The following RHOBTB3 variants were observed in gnomAD, a reference collection of about 807,000 sequenced individuals.
RHOBTB3 encodes Rho related BTB domain containing 3.
RHOBTB3 carries 47 observed loss-of-function variants against 67.2 expected under a neutral mutation model. The ratio of observed to expected loss-of-function variants is 0.70; its 90% CI spans 0.55 to 0.89. The LOEUF (loss-of-function observed/expected upper bound fraction) is 0.89, where lower values mean the gene tolerates loss of function less well. Ranked by LOEUF, RHOBTB3 falls within the 40% of genes least tolerant of loss-of-function variation. The pLI is 0.00. For synonymous variants in RHOBTB3, 273 were observed against 274.2 expected (o/e 1.00, Z 0.04); for missense variants, 631 against 750.0 (o/e 0.84, Z 1.85).
chr5:95,717,897 T>TA (rs1253968628), intron 1 of RHOBTB3: 1 of 152,250 alleles, frequency 6.6e-6, no homozygotes, highest in Non-Finnish European at 1.5e-5. Context: ...ATTTGGTTTA[T>TA]AGTTATTCAT....
chr5:95,793,031 G>T, intron 11 of RHOBTB3, 28 bp from the exon 12 acceptor site: 1 of 1,457,466 alleles, frequency 6.9e-7, no homozygotes, highest in Non-Finnish European at 9.6e-7. Context: ...AACATATTCG[G>T]TTAACAGTCT....
At chr5:95,790,835 T>C (rs1746360782) in intron 11 of RHOBTB3, among the ~76,000 whole-genome samples, 1 of 152,300 alleles carries the variant, frequency 6.6e-6, no homozygotes, top group African/African-American at 2.4e-5. Flanking sequence ...TGCCAACGTG[T>C]TTTATTGGGA....
upstream of RHOBTB3, among the ~76,000 whole-genome samples, chr5:95,727,342 A>G (rs1755086686): frequency 6.6e-6 from 1 of 152,300 alleles, no homozygotes; most frequent in East Asian, 1.9e-4. Context: ...TGCCCTCACC[A>G]ATGCTTACTT....
intron 9 of RHOBTB3, 67 bp downstream of exon 9, chr5:95,780,492 T>G (rs976085510): frequency 7.5e-7 from 1 of 1,331,216 alleles, no homozygotes; most frequent in Non-Finnish European, 1.1e-6. Context: ...TTTGTTAAAT[T>G]GCACTCTGTG....
At chr5:95,736,177 C>T (rs1436725614) in intron 2 of RHOBTB3, among the ~76,000 whole-genome samples, 2 of 152,204 alleles carry the variant, frequency 1.3e-5, no homozygotes, top group Non-Finnish European at 2.9e-5. Flanking sequence ...ATGTTATTAG[C>T]TGTAGCACAA....
At chr5:95,748,873 T>TTGA (rs1745005377) in intron 4 of RHOBTB3, among the ~76,000 whole-genome samples, 1 of 152,212 alleles carries the variant, frequency 6.6e-6, no homozygotes, top group Non-Finnish European at 1.5e-5. Flanking sequence ...CATCTACCAG[T>TTGA]TGGAAAGAAT....
chr5:95,764,846 A>T (rs1358602191), intron 7 of RHOBTB3, among the ~76,000 whole-genome samples: 1 of 152,190 alleles, frequency 6.6e-6, no homozygotes, highest in Non-Finnish European at 1.5e-5. Flanking sequence ...TTGTAAACAA[A>T]GTAACGTGGA....
chr5:95,750,496 G>A (rs1306382832), intron 4 of RHOBTB3, among the ~76,000 whole-genome samples: 1 of 152,196 alleles, frequency 6.6e-6, no homozygotes, highest in African/African-American at 2.4e-5. Flanking sequence ...TATTTTAGGT[G>A]CTCTATGGCT....
chr5:95,745,157 A>G lies in RHOBTB3; in HGVS notation c.416-3176A>G, dbSNP rs144283962. ...CGCTATGTCAACCAAGCTGGCCCCC[A>G]ACTCCTAGGTTCAAGGGATCCTCCC... On this transcript the variant is annotated intron_variant, in intron 3 of 11. Transcript: ENST00000379982. 5.5e-3 allele frequency among the ~76,000 whole-genome samples: 840 copies of G among 152,198 alleles called. 11 individuals are homozygous for G. Among genetic ancestry groups the G allele is most frequent in the South Asian group, 0.047 (224 of 4,790 alleles).
At chr5:95,784,853 C>T (rs73777814) in intron 10 of RHOBTB3, among the ~76,000 whole-genome samples, 261 of 152,276 alleles carry the variant, frequency 1.7e-3, no homozygotes, top group African/African-American at 6.0e-3. Context: ...ATCCACTGCC[C>T]GAGACAGTTT....
At chr5:95,721,698 A>G (rs1401045510) in intron 1 of RHOBTB3, among the ~76,000 whole-genome samples, 1 of 151,872 alleles carries the variant, frequency 6.6e-6, no homozygotes, top group Non-Finnish European at 1.5e-5. Flanking sequence ...AGCATTAAAA[A>G]AAAAAAAAAA....
In RHOBTB3 at chr5:95,732,429, A is replaced by G. The variant is rs1249116272; in HGVS notation, c.228+345A>G. 3 of 537,652 alleles carry G rather than the reference A, an allele frequency of 5.6e-6. No homozygotes were observed. In the African/African-American group the frequency reaches 5.7e-5, roughly 10 times the overall value. 33.3% of individuals were successfully genotyped at this position (537,652 alleles called of 1,614,324 possible). A position where few individuals can be genotyped will look rare whatever the true frequency, so the allele number is the denominator to read the frequency against. Reference sequence around the variant, plus strand: ...CATCAGCAAAAAGCAGTGTTTTTTTATGTCTACCCTATGGGTGATAGTGTA... The same window carrying G: ...CATCAGCAAAAAGCAGTGTTTTTTTGTGTCTACCCTATGGGTGATAGTGTA... On this transcript the variant is annotated intron_variant, in intron 2 of 11. Coordinates refer to ENST00000379982, the MANE Select transcript of RHOBTB3 (RefSeq NM_014899.4).
chr5:95,752,990 G>GGC, intron 5 of RHOBTB3, among the ~76,000 whole-genome samples: 1 of 152,046 alleles, frequency 6.6e-6, no homozygotes, highest in Non-Finnish European at 1.5e-5. Context: ...AAATTAGCCG[G>GGC]GTGAGGTGGC....
At chr5:95,724,418 ATGTT>A (rs1754989402) in intron 1 of RHOBTB3, among the ~76,000 whole-genome samples, 1 of 152,252 alleles carries the variant, frequency 6.6e-6, no homozygotes, top group Admixed American at 6.5e-5. Flanking sequence ...TATTTGGAAA[ATGTT>A]TGGGGAGTTA....
At chr5:95,791,536 A>G (rs1167251407) in intron 11 of RHOBTB3, among the ~76,000 whole-genome samples, 1 of 152,218 alleles carries the variant, frequency 6.6e-6, no homozygotes, top group Non-Finnish European at 1.5e-5. Context: ...TGAAACTTAG[A>G]GCTGAGCAGC....
intron 6 of RHOBTB3, among the ~76,000 whole-genome samples, chr5:95,762,693 G>A (rs1745427925): frequency 6.6e-6 from 1 of 152,122 alleles, no homozygotes; most frequent in Non-Finnish European, 1.5e-5. Context: ...TCAGATTCGT[G>A]CTTTTGAAAA....
At chr5:95,720,629 CTT>C (rs909955318) in intron 1 of RHOBTB3, among the ~76,000 whole-genome samples, 1 of 143,734 alleles carries the variant, frequency 7.0e-6, no homozygotes, top group Non-Finnish European at 1.5e-5. Flanking sequence ...GTAAACTCTG[CTT>C]TTTTTTTTTG....
intron 2 of RHOBTB3, among the ~76,000 whole-genome samples, chr5:95,734,720 C>A (rs1230164465): frequency 6.6e-6 from 1 of 152,012 alleles, no homozygotes; most frequent in African/African-American, 2.4e-5. Flanking sequence ...TAAAAATATT[C>A]CACAAAAAGC....
At chr5:95,751,363 T>C (rs551448783) in intron 4 of RHOBTB3, 1 of 152,056 alleles carries the variant, frequency 6.6e-6, no homozygotes, top group East Asian at 1.9e-4. Context: ...TGGGATGGCA[T>C]GCACTTATAA....
Sources: gnomAD v4.1 joint callset for allele counts (sites outside exome capture counted in the v4.1 genomes callset) on GRCh38, gnomAD v4.1.1 for gene constraint, MANE v1.5 for transcripts, NCBI Gene and HGNC (gene_info 2026-07-23, HGNC 2026-07-21) for gene names.